ABHD12: variants seen among roughly 807,000 people sequenced by gnomAD.
The protein encoded by ABHD12 is lysophosphatidylserine lipase ABHD12.
In ABHD12, 43 loss-of-function variants were observed where a neutral mutation model predicts 58.3. That is an observed-to-expected ratio of 0.74 (90% CI 0.58 to 0.95). ABHD12 has a LOEUF of 0.95. Ranked by LOEUF, ABHD12 falls within the 40% of genes least tolerant of loss-of-function variation. ABHD12 has a pLI of 0.00. For missense variants in ABHD12, 539 were observed against 537.2 expected (o/e 1.00, Z -0.03); for synonymous variants, 219 against 211.2 (o/e 1.04, Z -0.32).
intron 1 of ABHD12, among the ~76,000 whole-genome samples, chr20:25,343,963 A>G (rs2089487176): frequency 6.6e-6 from 1 of 152,224 alleles, no homozygotes. Flanking sequence ...GGCTAGTTCA[A>G]CATATGAAAA....
chr20:25,335,483 T>A (rs999595471), intron 2 of ABHD12, among the ~76,000 whole-genome samples: 1 of 144,184 alleles, frequency 6.9e-6, no homozygotes, highest in African/African-American at 2.6e-5. Flanking sequence ...CTATAAATCA[T>A]GCTGCTATAA....
intron 1 of ABHD12, among the ~76,000 whole-genome samples, chr20:25,369,814 ACT>A (rs1233704204): frequency 4.2e-4 from 64 of 151,890 alleles, no homozygotes; most frequent in African/African-American, 1.5e-3. Context: ...TAATGCCAGC[ACT>A]CTGCTGTAAT....
downstream of ABHD12, among the ~76,000 whole-genome samples, chr20:25,295,405 T>C (rs78721580): frequency 3.3e-5 from 5 of 152,254 alleles, no homozygotes; most frequent in African/African-American, 1.2e-4. Context: ...TCCCAGGACA[T>C]AAGTGTTGCT....
chr20:25,385,202 T>C (rs750645113), intron 1 of ABHD12, among the ~76,000 whole-genome samples: 6 of 151,758 alleles, frequency 4.0e-5, no homozygotes, highest in Admixed American at 2.0e-4. Context: ...CTGGGTGTGG[T>C]GGCACATACC....
chr20:25,373,402 C>G (rs946218350), intron 1 of ABHD12, among the ~76,000 whole-genome samples: 3 of 151,974 alleles, frequency 2.0e-5, no homozygotes, highest in Non-Finnish European at 2.9e-5. Context: ...CAAAAATCAG[C>G]CGGGTGTGGT....
chr20:25,329,008 C>T (rs977720672), intron 2 of ABHD12, among the ~76,000 whole-genome samples: 2 of 152,198 alleles, frequency 1.3e-5, no homozygotes, highest in Non-Finnish European at 2.9e-5. Flanking sequence ...GGTTGGCGTG[C>T]GCAGGGTCAC....
At position 25,302,213 on chromosome 20, in the gene ABHD12, T is replaced by G; in HGVS notation, c.1157+6A>C. 1 of 1,612,962 alleles carries G rather than the reference T, an allele frequency of 6.2e-7. No individual in the cohort carries two copies. The highest frequency in any genetic ancestry group is 8.5e-7 in the Non-Finnish European group (1 of 1,179,892). ...GAAGCCCCTGGGTGGGAAGAGAATGTCTCACCTCAGTATCCGTGGCAGCTC... is the reference window on the plus strand; with the variant it reads ...GAAGCCCCTGGGTGGGAAGAGAATGGCTCACCTCAGTATCCGTGGCAGCTC... On this transcript the variant is annotated splice_donor_region_variant and intron_variant, in intron 12 of 12. Coordinates refer to ENST00000339157, the MANE Select transcript of ABHD12 (RefSeq NM_001042472.3).
Position 25,300,775 on chromosome 20 carries a change from T to C in ABHD12, c.*70A>G, listed in dbSNP as rs1219779270. ...GTGCCGGCCCCCCGGGGCTTCAGGATACCGGGCTGCTGACTGGAGGAAAAC... is the reference window on the plus strand; with the variant it reads ...GTGCCGGCCCCCCGGGGCTTCAGGACACCGGGCTGCTGACTGGAGGAAAAC... On this transcript the variant is annotated 3_prime_UTR_variant, in exon 13 of 13. Coordinates refer to ENST00000339157, the MANE Select transcript of ABHD12 (RefSeq NM_001042472.3). The C allele has an allele frequency of 1.2e-6, 2 of 1,612,726 alleles. No homozygotes were observed. Among genetic ancestry groups the C allele is most frequent in the Non-Finnish European group, 1.7e-6 (2 of 1,179,574 alleles).
chr20:25,343,903 T>C (rs2089486435), intron 1 of ABHD12, among the ~76,000 whole-genome samples: 1 of 152,106 alleles, frequency 6.6e-6, no homozygotes, highest in African/African-American at 2.4e-5. Flanking sequence ...CAACAATGTA[T>C]AAAAAGAATT....
intron 1 of ABHD12, among the ~76,000 whole-genome samples, chr20:25,373,416 G>A (rs923493034): frequency 6.6e-6 from 1 of 151,916 alleles, no homozygotes; most frequent in African/African-American, 2.4e-5. Context: ...GTGTGGTGGC[G>A]GGCACCTGTA....
At chr20:25,385,819 C>T (rs1440664764) in intron 1 of ABHD12, among the ~76,000 whole-genome samples, 1 of 152,002 alleles carries the variant, frequency 6.6e-6, no homozygotes, top group Non-Finnish European at 1.5e-5. Flanking sequence ...AATAAAATGG[C>T]CGGGTGCGGT....
chr20:25,352,616 A>G (rs747294076), intron 1 of ABHD12, among the ~76,000 whole-genome samples: 12 of 152,196 alleles, frequency 7.9e-5, no homozygotes, highest in Non-Finnish European at 1.8e-4. Flanking sequence ...TTAAAGTGAT[A>G]GGCTAAATGA....
rs1419772295 is a variant in ABHD12, at chr20:25,342,853, G to T, written c.192-3502C>A. ...TCCTACCATCTTGGCCTTCCAAAGG[G>T]TTGGGGTTATAGGTGTGAGCCACAA... On this transcript the variant is annotated intron_variant, in intron 1 of 12. Coordinates refer to ENST00000339157, the MANE Select transcript of ABHD12 (RefSeq NM_001042472.3). Among the ~76,000 whole-genome samples the T allele has an allele frequency of 5.3e-5, 8 of 152,154 alleles. 1 individual carries two copies. The highest frequency in any genetic ancestry group is 2.9e-5 in the Non-Finnish European group (2 of 68,022).
chr20:25,323,291 T>C, intron 3 of ABHD12, 34 bp downstream of exon 3: 1 of 1,400,636 alleles, frequency 7.1e-7, no homozygotes, highest in Non-Finnish European at 1.0e-6. Context: ...CCTTTCCTGC[T>C]GCTGGAGGGG....
At chr20:25,364,460 G>A (rs1166583803) in intron 1 of ABHD12, among the ~76,000 whole-genome samples, 8 of 152,188 alleles carry the variant, frequency 5.3e-5, no homozygotes, top group Non-Finnish European at 1.0e-4. Flanking sequence ...GAGCAGAGGG[G>A]AGGGAAGGTG....
At chr20:25,368,262 C>A (rs2089850951) in intron 1 of ABHD12, 1 of 1,519,034 alleles carries the variant, frequency 6.6e-7, no homozygotes, top group East Asian at 2.3e-5. Context: ...AGATAAAACA[C>A]AAGTCAAACT....
intron 1 of ABHD12, among the ~76,000 whole-genome samples, chr20:25,357,950 A>T (rs1266843082): frequency 6.6e-6 from 1 of 152,178 alleles, no homozygotes; most frequent in African/African-American, 2.4e-5. Context: ...GGTCGAGACT[A>T]CAATGAGCCA....
At chr20:25,368,622 C>A in intron 1 of ABHD12, 1 of 1,375,898 alleles carries the variant, frequency 7.3e-7, no homozygotes, top group South Asian at 1.2e-5. Context: ...AGCGGAAACC[C>A]TTAAAACCAA....
chr20:25,339,010 T>G (rs540046328), intron 2 of ABHD12: 16 of 1,327,962 alleles, frequency 1.2e-5, no homozygotes, highest in East Asian at 3.3e-5. Context: ...GGGACCTTTT[T>G]GGGTAATAAA....
Sources: gnomAD v4.1 joint callset for allele counts (sites outside exome capture counted in the v4.1 genomes callset) on GRCh38, gnomAD v4.1.1 for gene constraint, MANE v1.5 for transcripts, NCBI Gene and HGNC (gene_info 2026-07-23, HGNC 2026-07-21) for gene names.